TOGARAM1: variants seen among roughly 807,000 people sequenced by gnomAD.
TOGARAM1 encodes the protein TOG array regulator of axonemal microtubules protein 1.
A neutral mutation model predicts 166.6 loss-of-function variants in TOGARAM1; 100 were observed. That is an observed-to-expected ratio of 0.60 (90% CI 0.51 to 0.71). TOGARAM1 has a LOEUF of 0.71. TOGARAM1 is among the 30% of genes least tolerant of loss of function. The pLI, the probability that TOGARAM1 is intolerant of heterozygous loss-of-function variation, is 0.00. For synonymous variants in TOGARAM1, 758 were observed against 763.8 expected (o/e 0.99, Z 0.13); for missense variants, 2,029 against 2,102.7 (o/e 0.96, Z 0.69).
intron 1 of TOGARAM1, among the ~76,000 whole-genome samples, chr14:44,982,127 A>G (rs1301726713): frequency 2.0e-5 from 3 of 152,262 alleles, no homozygotes; most frequent in African/African-American, 7.2e-5. Flanking sequence ...TACAGGCATA[A>G]GCCACTGCAC....
rs766610006 is a variant in TOGARAM1 at position 45,058,090 on chromosome 14, CT to C, written c.4559+3542del. On this transcript the variant is annotated intron_variant, in intron 16 of 19. Transcript: ENST00000361462. ...TGTTTTGCTGTCTCTTTCTTTAGGT[CT>C]AGTAAATATTTGTTTTATGAATCTG... Among the ~76,000 whole-genome samples the C allele has an allele frequency of 1.3e-4, 20 of 152,180 alleles. No homozygotes were observed. The East Asian group carries it at 3.7e-3, about 28-fold the overall frequency.
intron 16 of TOGARAM1, among the ~76,000 whole-genome samples, chr14:45,056,082 CT>C (rs1479287776): frequency 2.0e-5 from 3 of 151,486 alleles, no homozygotes; most frequent in African/African-American, 7.3e-5. Context: ...TTGTAGAGAT[CT>C]TTTACCTCCT....
chr14:44,992,805 G>A (rs1360373290), intron 1 of TOGARAM1, among the ~76,000 whole-genome samples: 1 of 151,338 alleles, frequency 6.6e-6, no homozygotes, highest in Non-Finnish European at 1.5e-5. Flanking sequence ...TTTTAGTAGA[G>A]ACGGGTTTTC....
chr14:45,000,837 G>T (rs981175054), intron 3 of TOGARAM1, among the ~76,000 whole-genome samples: 11 of 152,054 alleles, frequency 7.2e-5, no homozygotes, highest in Admixed American at 1.3e-4. Context: ...GGGCTCAAGT[G>T]ATCCTCCTAC....
intron 16 of TOGARAM1, among the ~76,000 whole-genome samples, chr14:45,059,100 T>G (rs1370428580): frequency 6.6e-6 from 1 of 152,116 alleles, no homozygotes; most frequent in African/African-American, 2.4e-5. Flanking sequence ...TTTTATTTTA[T>G]TTTACTTCAT....
At chr14:45,021,004 T>A (rs1880467837) in intron 7 of TOGARAM1, among the ~76,000 whole-genome samples, 1 of 152,138 alleles carries the variant, frequency 6.6e-6, no homozygotes, top group Non-Finnish European at 1.5e-5. Context: ...TAAATAGGCT[T>A]ACCTGGTGAG....
chr14:44,995,632 T>G, intron 1 of TOGARAM1, 114 bp from the exon 2 acceptor site: 1 of 738,352 alleles, frequency 1.4e-6, no homozygotes, highest in Non-Finnish European at 2.2e-6. Context: ...ATATATTTGA[T>G]AAATTAAAAT....
intron 13 of TOGARAM1, among the ~76,000 whole-genome samples, chr14:45,045,565 ATATATATATATATATATATGTGTGTGTG>A (rs1416484983): frequency 2.4e-5 from 1 of 41,262 alleles, no homozygotes; most frequent in Non-Finnish European, 3.9e-5. Flanking sequence ...ATATATATAT[ATATATATATATATATATATGTGTGTGTG>A]TGTGTGTGTG....
chr14:44,994,061 G>A (rs775266822), intron 1 of TOGARAM1, among the ~76,000 whole-genome samples: 1 of 152,090 alleles, frequency 6.6e-6, no homozygotes, highest in African/African-American at 2.4e-5. Flanking sequence ...AATCATGGAC[G>A]TTAACTGGGT....
chr14:45,051,131 AT>A (rs1213675293), intron 14 of TOGARAM1, among the ~76,000 whole-genome samples: 1 of 152,212 alleles, frequency 6.6e-6, no homozygotes, highest in Non-Finnish European at 1.5e-5. Flanking sequence ...TGCTAAGATG[AT>A]TATTTTATAA....
At chr14:44,984,581 C>T (rs1242307893) in intron 1 of TOGARAM1, among the ~76,000 whole-genome samples, 1 of 150,698 alleles carries the variant, frequency 6.6e-6, no homozygotes, top group East Asian at 1.9e-4. Flanking sequence ...GAGGCCTGGG[C>T]AATATACGAG....
chr14:45,014,043 CT>C (rs33935090), intron 7 of TOGARAM1, among the ~76,000 whole-genome samples: 432 of 127,838 alleles, frequency 3.4e-3, no homozygotes, highest in East Asian at 0.012. Flanking sequence ...GTTGCGTAAT[CT>C]TTTTTTTTTT....
chr14:45,045,543 GTATATA>G (rs375962126), intron 13 of TOGARAM1, among the ~76,000 whole-genome samples: 51 of 38,908 alleles, frequency 1.3e-3, no homozygotes, highest in Non-Finnish European at 1.7e-3. Flanking sequence ...GTCTGTGTGT[GTATATA>G]TATATATATA....
chr14:45,045,667 ATG>A (rs1318685744), intron 13 of TOGARAM1, among the ~76,000 whole-genome samples: 2 of 100,152 alleles, frequency 2.0e-5, no homozygotes, highest in East Asian at 2.8e-4. Flanking sequence ...ACACATATAT[ATG>A]TGTATATATA....
chr14:45,035,330 G>C (rs1488851492), intron 11 of TOGARAM1, among the ~76,000 whole-genome samples: 2 of 151,806 alleles, frequency 1.3e-5, no homozygotes, highest in East Asian at 3.9e-4. Context: ...ACTGCACCCA[G>C]CCTGGGCAAC....
At chr14:45,064,509 C>T (rs2138999045) in intron 16 of TOGARAM1, among the ~76,000 whole-genome samples, 1 of 152,132 alleles carries the variant, frequency 6.6e-6, no homozygotes, top group Non-Finnish European at 1.5e-5. Flanking sequence ...CTTGCTCTGT[C>T]ATCCAGGCTG....
At chr14:45,070,066 C>T (rs1883309805) in intron 18 of TOGARAM1, among the ~76,000 whole-genome samples, 1 of 151,982 alleles carries the variant, frequency 6.6e-6, no homozygotes, top group Non-Finnish European at 1.5e-5. Context: ...CCTGTAGTCC[C>T]AGCTACTTGG....
intron 17 of TOGARAM1, among the ~76,000 whole-genome samples, chr14:45,067,603 A>G (rs1320174540): frequency 6.6e-6 from 1 of 152,120 alleles, no homozygotes; most frequent in Non-Finnish European, 1.5e-5. Flanking sequence ...TACTTGGCAA[A>G]CATACCATAA....
chr14:45,066,096 C>T (rs182540438), intron 16 of TOGARAM1, among the ~76,000 whole-genome samples: 92 of 152,262 alleles, frequency 6.0e-4, no homozygotes, highest in Non-Finnish European at 1.1e-3. Context: ...TTTGGTATGT[C>T]CTAGGCAGAC....
Sources: allele counts gnomAD v4.1 joint callset (sites outside exome capture counted in the v4.1 genomes callset), GRCh38; gene constraint gnomAD v4.1.1; transcripts MANE v1.5; gene names NCBI Gene and HGNC (gene_info 2026-07-23, HGNC 2026-07-21).